Variants in DCDC1 observed in about 807,000 individuals in gnomAD.
DCDC1 encodes the protein doublecortin domain-containing protein 1.
Under a neutral mutation model 178.3 loss-of-function variants are expected in DCDC1, and 200 were observed. The ratio of observed to expected loss-of-function variants is 1.12; its 90% CI spans 1.00 to 1.26. DCDC1 has a LOEUF of 1.26. Ranked by LOEUF, DCDC1 falls within the 50% of genes most tolerant of loss-of-function variation. DCDC1 has a pLI of 0.00. For synonymous variants in DCDC1, 690 were observed against 604.8 expected (o/e 1.14, Z -2.07); for missense variants, 1,983 against 1,749.2 (o/e 1.13, Z -2.38).
chr11:31,173,980 A>T (rs1967628714), intron 9 of DCDC1, among the ~76,000 whole-genome samples: 1 of 152,090 alleles, frequency 6.6e-6, no homozygotes, highest in Non-Finnish European at 1.5e-5. Context: ...GCCCACTCCA[A>T]AGAGCTGGTG....
intron 38 of DCDC1, among the ~76,000 whole-genome samples, chr11:30,873,364 T>TATATATATAG (rs1228106379): frequency 2.2e-5 from 3 of 137,086 alleles, no homozygotes; most frequent in African/African-American, 8.3e-5. Flanking sequence ...TATATATATA[T>TATATATATAG]AGAGAGAGAG....
intron 10 of DCDC1, among the ~76,000 whole-genome samples, chr11:31,132,419 T>C (rs1591159535): frequency 6.6e-6 from 1 of 152,362 alleles, no homozygotes; most frequent in African/African-American, 2.4e-5. Flanking sequence ...TCATGAATTA[T>C]TTTACATAAT....
chr11:30,866,356 C>G (rs1041474233), intron 38 of DCDC1, among the ~76,000 whole-genome samples: 1 of 152,088 alleles, frequency 6.6e-6, no homozygotes, highest in Non-Finnish European at 1.5e-5. Flanking sequence ...GGCTTGCTTC[C>G]TGTTTCATAT....
At chr11:31,026,823 ATT>A (rs1423794672) in intron 20 of DCDC1, among the ~76,000 whole-genome samples, 3 of 151,834 alleles carry the variant, frequency 2.0e-5, no homozygotes, top group African/African-American at 7.2e-5. Flanking sequence ...TGGAAAAAAT[ATT>A]ACTTAAGGAA....
At chr11:30,999,706 A>C (rs1396175122) in intron 20 of DCDC1, among the ~76,000 whole-genome samples, 1 of 152,018 alleles carries the variant, frequency 6.6e-6, no homozygotes, top group Non-Finnish European at 1.5e-5. Flanking sequence ...CTTACACATC[A>C]CTTCCATCTT....
intron 32 of DCDC1, among the ~76,000 whole-genome samples, chr11:30,903,207 A>G (rs1944823727): frequency 6.6e-6 from 1 of 152,166 alleles, no homozygotes; most frequent in Non-Finnish European, 1.5e-5. Flanking sequence ...TATGTTCCAT[A>G]AAGTAGCTGA....
At chr11:31,248,176 T>C (rs1222581423) in intron 8 of DCDC1, among the ~76,000 whole-genome samples, 1 of 152,070 alleles carries the variant, frequency 6.6e-6, no homozygotes, top group Non-Finnish European at 1.5e-5. Context: ...GAAATGTCAT[T>C]ATATAATTAC....
chr11:31,006,850 A>T (rs1242931616), intron 20 of DCDC1, among the ~76,000 whole-genome samples: 1 of 152,262 alleles, frequency 6.6e-6, no homozygotes, highest in East Asian at 1.9e-4. Context: ...AAATTATCTT[A>T]TACCACTTGA....
At chr11:31,270,319 G>T (rs2137157888) in intron 7 of DCDC1, among the ~76,000 whole-genome samples, 1 of 152,280 alleles carries the variant, frequency 6.6e-6, no homozygotes, top group East Asian at 1.9e-4. Flanking sequence ...AGCCACATTT[G>T]ATCATTTACA....
intron 9 of DCDC1, among the ~76,000 whole-genome samples, chr11:31,202,496 A>C (rs1971408804): frequency 6.6e-6 from 1 of 152,124 alleles, no homozygotes; most frequent in Non-Finnish European, 1.5e-5. Context: ...ACTTGAGCCC[A>C]GGAGGTGGAG....
At chr11:30,998,350 A>T (rs1483233476) in intron 20 of DCDC1, among the ~76,000 whole-genome samples, 2 of 152,144 alleles carry the variant, frequency 1.3e-5, no homozygotes, top group Non-Finnish European at 1.5e-5. Flanking sequence ...CCTGTTGAAA[A>T]GACACAGCAG....
intron 1 of DCDC1, among the ~76,000 whole-genome samples, chr11:31,357,633 A>G (rs1272360824): frequency 6.6e-6 from 1 of 152,164 alleles, no homozygotes; most frequent in African/African-American, 2.4e-5. Flanking sequence ...AATTAGGAAA[A>G]GAGGAAGTCA....
At chr11:31,157,503 C>T (rs1965856946) in intron 9 of DCDC1, among the ~76,000 whole-genome samples, 1 of 150,236 alleles carries the variant, frequency 6.7e-6, no homozygotes, top group Non-Finnish European at 1.5e-5. Flanking sequence ...GAATATTATT[C>T]AGGCCTAAGG....
chr11:31,181,380 C>A (rs1383988685), intron 9 of DCDC1, among the ~76,000 whole-genome samples: 1 of 152,206 alleles, frequency 6.6e-6, no homozygotes, highest in East Asian at 1.9e-4. Flanking sequence ...GAACAGACTG[C>A]CTGCTCAAGT....
Position 31,064,533 on chromosome 11 carries a change from C to T in DCDC1, c.2527G>A (p.Gly843Arg). The change falls in exon 20 of 39, where the codon GGG becomes AGG. Residue 843 changes from glycine (G) to arginine (R), a missense_variant. Transcript: ENST00000684477. ...CTCACCAGTGCTACTGTCAGCTCCC[C>T]CGTCTCCTCAAGAGAACCTTCTGGC... ...LMPEGSLEET[G>R]ELTVALVRKL... The T allele has an allele frequency of 1.3e-6, 1 of 765,946 alleles. No homozygotes were observed. The highest frequency in any genetic ancestry group is 2.4e-6 in the Non-Finnish European group (1 of 417,582). The allele number at this position is 765,946 out of a possible 1,614,324, so 47.4% of individuals were successfully genotyped here.
chr11:31,300,932 C>T (rs1948070178), intron 6 of DCDC1, among the ~76,000 whole-genome samples: 1 of 152,098 alleles, frequency 6.6e-6, no homozygotes, highest in Non-Finnish European at 1.5e-5. Flanking sequence ...TGGTATTTGA[C>T]AATACAAAGA....
At chr11:31,335,963 A>T (rs1467860473) in intron 1 of DCDC1, among the ~76,000 whole-genome samples, 1 of 152,246 alleles carries the variant, frequency 6.6e-6, no homozygotes, top group Non-Finnish European at 1.5e-5. Flanking sequence ...TTCTGAAATA[A>T]ATGCTTTCAT....
At chr11:31,294,364 C>T (rs980189281) in intron 6 of DCDC1, among the ~76,000 whole-genome samples, 7 of 151,434 alleles carry the variant, frequency 4.6e-5, no homozygotes, top group African/African-American at 1.7e-4. Flanking sequence ...GTTGGATCAC[C>T]CAGGGTCAGG....
At chr11:31,281,022 C>G (rs1031101180) in intron 7 of DCDC1, 1 of 540,796 alleles carries the variant, frequency 1.8e-6, no homozygotes, top group Non-Finnish European at 3.6e-6. Context: ...CGAAGGTTCC[C>G]GCTCTGAAGC....
Sources: allele counts gnomAD v4.1 joint callset (sites outside exome capture counted in the v4.1 genomes callset), GRCh38; gene constraint gnomAD v4.1.1; transcripts MANE v1.5; gene names NCBI Gene and HGNC (gene_info 2026-07-23, HGNC 2026-07-21).